GCDH: variants seen among roughly 807,000 people sequenced by gnomAD.
The protein encoded by GCDH is glutaryl-CoA dehydrogenase, mitochondrial.
In GCDH, 31 loss-of-function variants were observed where a neutral mutation model predicts 52.8. The observed-to-expected ratio is 0.59, with a 90% CI of 0.44 to 0.79. The LOEUF (loss-of-function observed/expected upper bound fraction) is 0.79, where lower values mean the gene tolerates loss of function less well. GCDH is among the 30% of genes least tolerant of loss of function. The probability of loss-of-function intolerance (pLI) is 0.00; values close to 1 mark genes in which losing one functional copy is unlikely to be tolerated. For synonymous variants in GCDH, 242 were observed against 250.0 expected (o/e 0.97, Z 0.30); for missense variants, 509 against 595.0 (o/e 0.86, Z 1.50).
At position 12,891,284 on chromosome 19, in the gene GCDH, C is replaced by T. The variant is rs1375364585; in HGVS notation, c.-21C>T. 4.4e-6 allele frequency: 7 copies of T among 1,596,928 alleles called. No individual in the cohort carries two copies. The highest frequency in any genetic ancestry group is 6.0e-6 in the Non-Finnish European group (7 of 1,176,334). ...CCGCTCCTGTAGGTCGCCGTCGTTG[C>T]TCCGCTCGCTCTGAGAGAGCATGGC... On this transcript the variant is annotated 5_prime_UTR_variant, in exon 2 of 12. Coordinates refer to ENST00000222214, the MANE Select transcript of GCDH (RefSeq NM_000159.4).
intron 6 of GCDH, chr19:12,894,547 T>C: frequency 1.5e-6 from 1 of 661,990 alleles, no homozygotes; most frequent in South Asian, 1.7e-5. Flanking sequence ...CCAGTACAGC[T>C]AGCAGAATCC....
Position 12,897,883 on chromosome 19 carries a change from G to A in GCDH, c.1243+20G>A, listed in dbSNP as rs1022166942. The A allele has an allele frequency of 3.7e-6, 6 of 1,610,548 alleles. No individual in the cohort carries two copies. The highest frequency in any genetic ancestry group is 1.3e-5 in the African/African-American group (1 of 74,950). On this transcript the variant is annotated intron_variant, in intron 11 of 11. Coordinates refer to ENST00000222214, the MANE Select transcript of GCDH (RefSeq NM_000159.4). ...ACGAAGGTAGGAGCTGGACCTCAGA[G>A]GGCTCACTGAGGCCTCAGTGTCTGG...
At chr19:12,895,865 C>T (rs1389997553) in intron 6 of GCDH, 127 bp from the exon 7 acceptor site, 4 of 1,123,368 alleles carry the variant, frequency 3.6e-6, no homozygotes, top group East Asian at 2.4e-5. Flanking sequence ...ATTGATCCAC[C>T]TGCCTTGGCC....
intron 4 of GCDH, 67 bp downstream of exon 4, chr19:12,892,041 G>T: frequency 6.2e-7 from 1 of 1,613,422 alleles, no homozygotes; most frequent in Non-Finnish European, 8.5e-7. Context: ...CCACCTCAAG[G>T]CCCCTCTGTC....
chr19:12,891,498 A>C lies in GCDH; in HGVS notation c.103A>C (p.Arg35=). Residue 35 remains arginine (R), a synonymous_variant, in exon 3 of 12, where the codon AGA becomes CGA. Coordinates refer to ENST00000222214, the MANE Select transcript of GCDH (RefSeq NM_000159.4). ...TTCTGTGCTTGCAGAGAAAGGCGGG[A>C]GAACACAGAGCCAACTGGCTAAGTG... ...SSAAQTEKGG[R]TQSQLAKSSR... is the part of the protein sequence containing the mutation. 6.2e-7 allele frequency: 1 copy of C among 1,614,208 alleles called. No individual in the cohort carries two copies.
Position 12,891,357 on chromosome 19 carries a change from A to C in GCDH, c.53A>C (p.His18Pro), listed in dbSNP as rs775848834. Reference protein sequence around the residue: ...VRLLSRGPGLHVLRTWVSSAA... With the variant: ...VRLLSRGPGLPVLRTWVSSAA... ...CTGCTGAGCCGCGGACCCGGCCTGCACGTCCTTCGCACGTGGGTCTCGTCG... is the reference window on the plus strand; with the variant it reads ...CTGCTGAGCCGCGGACCCGGCCTGCCCGTCCTTCGCACGTGGGTCTCGTCG... The change falls in exon 2 of 12, where the codon CAC becomes CCC. Residue 18 changes from histidine to proline, a missense_variant. Coordinates refer to ENST00000222214, the MANE Select transcript of GCDH (RefSeq NM_000159.4). The C allele has an allele frequency of 3.1e-6, 5 of 1,613,636 alleles. No homozygotes were observed. Among genetic ancestry groups the C allele is most frequent in the Non-Finnish European group, 4.2e-6 (5 of 1,180,000 alleles).
chr19:12,897,894 G>A (rs765400270), intron 11 of GCDH, 31 bp downstream of exon 11: 3 of 1,600,106 alleles, frequency 1.9e-6, no homozygotes, highest in Admixed American at 1.7e-5. Flanking sequence ...GGCTCACTGA[G>A]GCCTCAGTGT....
Position 12,891,885 on chromosome 19 carries a change from C to T in GCDH, c.182C>T (p.Thr61Ile), listed in dbSNP as rs1970565137. 1 of 1,613,996 alleles carries T rather than the reference C, an allele frequency of 6.2e-7. No homozygotes were observed. The highest frequency in any genetic ancestry group is 8.5e-7 in the Non-Finnish European group (1 of 1,179,948). ...QDPLVLEEQL[T>I]TDEILIRDTF... ...CCGCTGGTGCTGGAGGAGCAGCTGA[C>T]CACAGATGAGATCCTCATCAGGGAC... The change falls in exon 4 of 12, where the codon ACC (threonine) becomes ATC (isoleucine). Residue 61 changes from threonine to isoleucine, a missense_variant. Thr to Ile is a moderately conservative substitution (Grantham distance 89, BLOSUM62 -1). Transcript: ENST00000222214.
At chr19:12,892,987 G>A (rs540599617) in intron 5 of GCDH, among the ~76,000 whole-genome samples, 1 of 151,086 alleles carries the variant, frequency 6.6e-6, no homozygotes, top group African/African-American at 2.4e-5. Flanking sequence ...CTAGGTTCAA[G>A]CAATTCTGCC....
chr19:12,891,204 T>C lies in GCDH; in HGVS notation c.-35+2T>C, dbSNP rs1327674350. On this transcript the variant is annotated splice_donor_variant, in intron 1 of 11. Coordinates refer to ENST00000222214, the MANE Select transcript of GCDH (RefSeq NM_000159.4). LOFTEE classifies it low-confidence loss of function (5UTR_SPLICE). ...CAGTGAACCGGGAGGTACTACCAGG[T>C]AAGGAAGGTGCGGTAGCCCCAGCCG... The C allele has an allele frequency of 8.0e-6, 7 of 877,658 alleles. No individual in the cohort carries two copies. The highest frequency in any genetic ancestry group is 1.3e-5 in the Non-Finnish European group (7 of 543,022). 54.4% of individuals were successfully genotyped at this position (877,658 alleles called of 1,614,324 possible).
chr19:12,891,218 TA>T lies in GCDH; in HGVS notation c.-35+17del, dbSNP rs1421069941. The T allele has an allele frequency of 1.4e-5, 14 of 1,036,698 alleles. No homozygotes were observed. Among genetic ancestry groups the T allele is most frequent in the Non-Finnish European group, 2.0e-5 (14 of 684,596 alleles). The allele number at this position is 1,036,698 out of a possible 1,614,324, so 64.2% of individuals were successfully genotyped here. ...GTACTACCAGGTAAGGAAGGTGCGG[TA>T]GCCCCAGCCGTGGGTGAGAGGAGCT... On this transcript the variant is annotated intron_variant, in intron 1 of 11. Coordinates refer to ENST00000222214, the MANE Select transcript of GCDH (RefSeq NM_000159.4).
At position 12,896,334 on chromosome 19, in the gene GCDH, G is replaced by T. The variant is rs1193455540; in HGVS notation, c.765G>T (p.Ser255=). The T allele has an allele frequency of 6.2e-7, 1 of 1,614,038 alleles. No homozygotes were observed. Among genetic ancestry groups the T allele is most frequent in the Non-Finnish European group, 8.5e-7 (1 of 1,180,014 alleles). The change falls in exon 8 of 12, where the codon TCG becomes TCT. Residue 255 remains serine, a synonymous_variant. Coordinates refer to ENST00000222214, the MANE Select transcript of GCDH (RefSeq NM_000159.4). This position sits in a 1 kb window ranked among gnomAD's most constrained non-coding sequence, Gnocchi z 5.5. ...CCCCCAGGATCCAGGGCAAGTTCTCGCTGCGGGCCTCAGCCACAGGCATGA... is the reference window on the plus strand; with the variant it reads ...CCCCCAGGATCCAGGGCAAGTTCTCTCTGCGGGCCTCAGCCACAGGCATGA... ...LSAPRIQGKF[S]LRASATGMII... is the part of the protein sequence containing the mutation.
In GCDH at chr19:12,891,394, C is replaced by T. The variant is rs754922275; in HGVS notation, c.90C>T (p.Thr30=). 3.7e-6 allele frequency: 6 copies of T among 1,614,114 alleles called. No individual in the cohort carries two copies. Among genetic ancestry groups the T allele is most frequent in the East Asian group, 2.2e-5 (1 of 44,888 alleles). ...CGTGGGTCTCGTCGGCGGCGCAGAC[C>T]GGTCAGTGTGGGGTCGGGAGTGTGG... The part of the protein sequence containing the change: ...LRTWVSSAAQ[T]EKGGRTQSQL... Residue 30 remains threonine, a splice_region_variant and synonymous_variant, in exon 2 of 12, where the codon ACC becomes ACT. Transcript: ENST00000222214.
At chr19:12,894,445 A>C in intron 6 of GCDH, 2 of 744,568 alleles carry the variant, frequency 2.7e-6, no homozygotes, top group South Asian at 2.7e-5. Context: ...CGTGGATGCC[A>C]ATCTGAGTGT....
rs2145938828 is a variant in GCDH at position 12,891,485 on chromosome 19, A to C, written c.92-2A>C. 1 of 1,614,220 alleles carries C rather than the reference A, an allele frequency of 6.2e-7. No homozygotes were observed. Among genetic ancestry groups the C allele is most frequent in the East Asian group, 2.2e-5 (1 of 44,878 alleles). ...GGTGACTTTCCCGTTCTGTGCTTGC[A>C]GAGAAAGGCGGGAGAACACAGAGCC... On this transcript the variant is annotated splice_acceptor_variant, in intron 2 of 11. Transcript: ENST00000222214. LOFTEE classifies it high-confidence loss of function.
rs1301943901 is a variant in GCDH, at chr19:12,891,934, G to A, written c.231G>A (p.Glu77=). The A allele has an allele frequency of 6.2e-7, 1 of 1,614,246 alleles. No individual in the cohort carries two copies. Among genetic ancestry groups the A allele is most frequent in the Admixed American group, 1.7e-5 (1 of 60,026 alleles). ...ACACCTTCCGCACCTACTGCCAGGAGAGACTCATGCCTCGCATCCTGTTGG... is the reference window on the plus strand; with the variant it reads ...ACACCTTCCGCACCTACTGCCAGGAAAGACTCATGCCTCGCATCCTGTTGG... ...IRDTFRTYCQ[E]RLMPRILLAN... The change falls in exon 4 of 12, where the codon GAG becomes GAA. Residue 77 remains glutamate, a synonymous_variant. Transcript: ENST00000222214.
rs746858566 is a variant in GCDH at position 12,896,133 on chromosome 19, G to A, written c.635+12G>A. Reference sequence around the variant, plus strand: ...GGGACCAAGACCTGGTAAGGGTTCTGGGTGGTGGGCAGGTGGTGAACAGGG... The same window carrying A: ...GGGACCAAGACCTGGTAAGGGTTCTAGGTGGTGGGCAGGTGGTGAACAGGG... On this transcript the variant is annotated intron_variant, in intron 7 of 11. Transcript: ENST00000222214. This position sits in a 1 kb window ranked among gnomAD's most constrained non-coding sequence, Gnocchi z 5.5. 6.2e-7 allele frequency: 1 copy of A among 1,614,158 alleles called. No homozygotes were observed. Among genetic ancestry groups the A allele is most frequent in the Admixed American group, 1.7e-5 (1 of 60,008 alleles).
At chr19:12,891,724 A>C (rs1294253168) in intron 3 of GCDH, 107 bp from the exon 4 acceptor site, 1 of 1,589,104 alleles carries the variant, frequency 6.3e-7, no homozygotes, top group African/African-American at 1.4e-5. Flanking sequence ...TGCAGCTCGC[A>C]CTAGCCGGGG....
intron 5 of GCDH, among the ~76,000 whole-genome samples, chr19:12,893,141 C>A: frequency 6.6e-6 from 1 of 152,136 alleles, no homozygotes; most frequent in East Asian, 1.9e-4. Context: ...CCCACCTCGG[C>A]CTCCCAAAGT....
Sources: allele counts gnomAD v4.1 joint callset (sites outside exome capture counted in the v4.1 genomes callset), GRCh38; gene constraint gnomAD v4.1.1; non-coding constraint Gnocchi (gnomAD v3.1); transcripts MANE v1.5; gene names NCBI Gene and HGNC (gene_info 2026-07-23, HGNC 2026-07-21).